VOPP1: variants seen among roughly 807,000 people sequenced by gnomAD.
VOPP1 encodes VOPP1 WW domain binding protein.
Under a neutral mutation model 23.5 loss-of-function variants are expected in VOPP1, and 8 were observed. The ratio of observed to expected loss-of-function variants is 0.34; its 90% CI spans 0.20 to 0.61. The LOEUF (loss-of-function observed/expected upper bound fraction) is 0.61. VOPP1 is among the 20% of genes least tolerant of loss of function. The probability of loss-of-function intolerance (pLI) is 0.78; values close to 1 mark genes in which losing one functional copy is unlikely to be tolerated. For missense variants in VOPP1, 174 were observed against 238.1 expected, an observed-to-expected ratio of 0.73 and a Z score of 1.77; for synonymous variants, 83 against 97.3, an observed-to-expected ratio of 0.85 and a Z score of 0.86.
chr7:55,535,523 G>A (rs953899685), intron 1 of VOPP1, among the ~76,000 whole-genome samples: 1 of 151,930 alleles, frequency 6.6e-6, no homozygotes, highest in Non-Finnish European at 1.5e-5. Flanking sequence ...CCAGTCCCCC[G>A]CCCCGCAGCC....
chr7:55,519,664 C>G (rs1795708937), intron 2 of VOPP1, among the ~76,000 whole-genome samples: 1 of 152,222 alleles, frequency 6.6e-6, no homozygotes, highest in Non-Finnish European at 1.5e-5. Flanking sequence ...CAAGTGGGGT[C>G]TGTCTTTCTG....
chr7:55,565,642 T>C (rs964891476), intron 1 of VOPP1, among the ~76,000 whole-genome samples: 1 of 152,172 alleles, frequency 6.6e-6, no homozygotes, highest in Non-Finnish European at 1.5e-5. Flanking sequence ...TAAAAAATAA[T>C]AAACAGCTCT....
At chr7:55,562,852 C>T (rs1457011966) in intron 1 of VOPP1, among the ~76,000 whole-genome samples, 3 of 152,124 alleles carry the variant, frequency 2.0e-5, no homozygotes, top group East Asian at 3.8e-4. Context: ...TGTCAACGCA[C>T]GCCTTGCATC....
In VOPP1 at chr7:55,562,302, T is replaced by G. The variant is rs554268242; in HGVS notation, c.54+9969A>C. Among the ~76,000 whole-genome samples the G allele has an allele frequency of 8.5e-5, 13 of 152,298 alleles. No individual in the cohort carries two copies. In the East Asian group the frequency reaches 2.5e-3, roughly 29 times the overall value. Reference sequence around the variant, plus strand: ...CCGGATGCTGGTCAAGTGACAGTGCTAATTCCCCGTTTACAGTCACCCTTC... The same window carrying G: ...CCGGATGCTGGTCAAGTGACAGTGCGAATTCCCCGTTTACAGTCACCCTTC... On this transcript the variant is annotated intron_variant, in intron 1 of 4. Transcript: ENST00000285279.
Position 55,544,449 on chromosome 7 carries a change from G to A in VOPP1, c.55-23319C>T, listed in dbSNP as rs145735605. Among the ~76,000 whole-genome samples the A allele has an allele frequency of 4.6e-5, 7 of 152,318 alleles. No individual in the cohort carries two copies. The East Asian group carries it at 5.8e-4, about 13-fold the overall frequency. On this transcript the variant is annotated intron_variant, in intron 1 of 4. Transcript: ENST00000285279. ...TGAGGGCCAAGGCAGAACGGGGAAC[G>A]CTGTTAGTCACAACATCATGGTGTC...
At chr7:55,539,651 C>CCCT (rs1303237148) in intron 1 of VOPP1, 3 of 151,946 alleles carry the variant, frequency 2.0e-5, no homozygotes, top group Non-Finnish European at 4.4e-5. Context: ...ATCATCAGCC[C>CCCT]CGCTGTGAGC....
At chr7:55,451,007 A>G (rs936851435) in intron 4 of VOPP1, among the ~76,000 whole-genome samples, 2 of 152,214 alleles carry the variant, frequency 1.3e-5, no homozygotes, top group Admixed American at 1.3e-4. Context: ...AAGAACATAC[A>G]TCTTTTTTTG....
intron 2 of VOPP1, among the ~76,000 whole-genome samples, chr7:55,507,972 A>G (rs1316824540): frequency 6.6e-6 from 1 of 152,160 alleles, no homozygotes; most frequent in Non-Finnish European, 1.5e-5. Context: ...ATCACCAGAA[A>G]ATACCTTCTC....
intron 4 of VOPP1, among the ~76,000 whole-genome samples, chr7:55,479,258 A>C (rs1381851444): frequency 6.6e-6 from 1 of 151,152 alleles, no homozygotes; most frequent in Non-Finnish European, 1.5e-5. Context: ...GCACCCATTA[A>C]CTCGTCATTT....
At chr7:55,492,775 G>A (rs1793676102) in intron 3 of VOPP1, 1 of 174,284 alleles carries the variant, frequency 5.7e-6, no homozygotes, top group South Asian at 1.9e-4. Context: ...AGTTAGAAGA[G>A]GAGATGCCAT....
chr7:55,539,941 A>ACACACACG (rs57690071), intron 1 of VOPP1, among the ~76,000 whole-genome samples: 1 of 141,212 alleles, frequency 7.1e-6, no homozygotes, highest in Admixed American at 7.0e-5. Context: ...ACACACACAC[A>ACACACACG]GCCTCCCAAA....
At chr7:55,521,661 T>C in intron 1 of VOPP1, 5 of 987,466 alleles carry the variant, frequency 5.1e-6, no homozygotes, top group Non-Finnish European at 6.0e-6. Flanking sequence ...GGAAAGACAA[T>C]GGGAGCCTCT....
rs148554030 is a variant in VOPP1 at position 55,561,800 on chromosome 7, T to C, written c.54+10471A>G. On this transcript the variant is annotated intron_variant, in intron 1 of 4. Transcript: ENST00000285279. ...TTACAGTATCTGAGCTCAGAGCACGTGGGAGTAGCTTGCCTAGGGAGTAGC... is the reference window on the plus strand; with the variant it reads ...TTACAGTATCTGAGCTCAGAGCACGCGGGAGTAGCTTGCCTAGGGAGTAGC... 1.6e-3 allele frequency: 927 copies of C among 586,062 alleles called. 6 individuals carry two copies. In the African/African-American group the frequency reaches 0.016, roughly 10 times the overall value. 36.3% of individuals were successfully genotyped at this position (586,062 alleles called of 1,614,324 possible). A position where few individuals can be genotyped will look rare whatever the true frequency, so the allele number is the denominator to read the frequency against.
chr7:55,519,922 G>C (rs955330352), intron 2 of VOPP1, among the ~76,000 whole-genome samples: 7 of 152,218 alleles, frequency 4.6e-5, no homozygotes, highest in Admixed American at 4.6e-4. Context: ...GAGGATAGGA[G>C]TTCGAGACCA....
chr7:55,492,192 G>A, intron 4 of VOPP1, 90 bp downstream of exon 4: 1 of 1,474,134 alleles, frequency 6.8e-7, no homozygotes, highest in Non-Finnish European at 9.0e-7. Context: ...GCTCTCTTCT[G>A]GCAGTACCCT....
Position 55,523,975 on chromosome 7 carries a change from T to A in VOPP1, c.55-2845A>T, listed in dbSNP as rs1001751440. Among the ~76,000 whole-genome samples, 9 of 152,282 alleles carry A rather than the reference T, an allele frequency of 5.9e-5. No individual in the cohort carries two copies. In the East Asian group the frequency reaches 1.7e-3, roughly 29 times the overall value. ...AAAACCACTTCTCAGACTGAAAAGATTATAAAAGACTATCATGACATGATC... is the reference window on the plus strand; with the variant it reads ...AAAACCACTTCTCAGACTGAAAAGAATATAAAAGACTATCATGACATGATC... On this transcript the variant is annotated intron_variant, in intron 1 of 4. Transcript: ENST00000285279.
Position 55,473,040 on chromosome 7 carries a change from G to C in VOPP1, c.334C>G (p.Gln112Glu). The C allele has an allele frequency of 6.3e-7, 1 of 1,597,622 alleles. No individual in the cohort carries two copies. Among genetic ancestry groups the C allele is most frequent in the Non-Finnish European group, 8.5e-7 (1 of 1,173,460 alleles). ...GTGTAATAGGGCGGCCCCGGCTGCTGGGCTCCTGAAAGACAGACAAACATA... is the reference window on the plus strand; with the variant it reads ...GTGTAATAGGGCGGCCCCGGCTGCTCGGCTCCTGAAAGACAGACAAACATA... ...RQPPNPGPGA[Q>E]QPGPPYYTDP... Residue 112 changes from glutamine to glutamate, a missense_variant, in exon 5 of 5, where the codon CAG (glutamine) becomes GAG (glutamate). By Grantham distance (29) the Gln-to-Glu change is conservative (BLOSUM62 2). Transcript: ENST00000285279.
In VOPP1 at chr7:55,572,320, C is replaced by G. The variant is rs1199255914; in HGVS notation, c.5G>C (p.Arg2Thr). 2 of 1,488,698 alleles carry G rather than the reference C, an allele frequency of 1.3e-6. No homozygotes were observed. Among genetic ancestry groups the G allele is most frequent in the African/African-American group, 1.5e-5 (1 of 68,442 alleles). The allele number at this position is 1,488,698 out of a possible 1,614,324, so 92.2% of individuals were successfully genotyped here. ...CGCCGCCACCTTCGCAGGCTGGCGC[C>G]TCATGGCTCCTCGCGTCCTCTCCAG... M[R>T]RQPAKVAALL... The change falls in exon 1 of 5, where the codon AGG becomes ACG. Residue 2 changes from arginine (R) to threonine (T), a missense_variant. By Grantham distance (71) the Arg-to-Thr change is moderately conservative. Transcript: ENST00000285279.
intron 2 of VOPP1, among the ~76,000 whole-genome samples, chr7:55,511,235 G>A (rs1350072758): frequency 6.6e-6 from 1 of 152,202 alleles, no homozygotes; most frequent in East Asian, 1.9e-4. Flanking sequence ...GTTTGAAACA[G>A]GTGCTCCCAG....
Sources: allele counts gnomAD v4.1 joint callset (sites outside exome capture counted in the v4.1 genomes callset), GRCh38; gene constraint gnomAD v4.1.1; transcripts MANE v1.5; gene names NCBI Gene and HGNC (gene_info 2026-07-23, HGNC 2026-07-21).